PDE1C: variants seen among roughly 807,000 people sequenced by gnomAD.
PDE1C encodes the protein dual specificity calcium/calmodulin-dependent 3',5'-cyclic nucleotide phosphodiesterase 1C.
PDE1C carries 62 observed loss-of-function variants against 93.1 expected under a neutral mutation model. The ratio of observed to expected loss-of-function variants is 0.67; its 90% CI spans 0.54 to 0.82. PDE1C has a LOEUF of 0.82. PDE1C is among the 40% of genes least tolerant of loss of function. PDE1C has a pLI of 0.00. For missense variants in PDE1C, 742 were observed against 884.6 expected (o/e 0.84, Z 2.04); for synonymous variants, 325 against 310.1 (o/e 1.05, Z -0.50).
At chr7:31,626,138 C>T in the PDE1C span, among the ~76,000 whole-genome samples, 3 of 152,256 alleles carry the variant, frequency 2.0e-5, no homozygotes, top group African/African-American at 7.2e-5. Context: ...AAAAGGAAAA[C>T]GAATCCCATC....
At position 32,237,126 on chromosome 7, in the gene PDE1C, G is replaced by A. The variant is rs557317975; in HGVS notation, c.86-27587C>T. ...TTTTAAGATGGAGTCTCGCTCTGTCGCCCAGGCTGGAGTGCAGTGGCGCGA... is the reference window on the plus strand; with the variant it reads ...TTTTAAGATGGAGTCTCGCTCTGTCACCCAGGCTGGAGTGCAGTGGCGCGA... On this transcript the variant is annotated intron_variant, in intron 1 of 18. Transcript: ENST00000396193. 1.9e-3 allele frequency among the ~76,000 whole-genome samples: 259 copies of A among 133,212 alleles called. 1 individual carries two copies. Among genetic ancestry groups the A allele is most frequent in the Non-Finnish European group, 3.0e-3 (192 of 64,842 alleles). The allele number at this position is 133,212 out of a possible 152,430, so 87.4% of individuals were successfully genotyped here. A position where few individuals can be genotyped will look rare whatever the true frequency, so the allele number is the denominator to read the frequency against.
chr7:31,940,467 C>G (rs958331052), intron 2 of PDE1C, among the ~76,000 whole-genome samples: 1 of 152,152 alleles, frequency 6.6e-6, no homozygotes, highest in Non-Finnish European at 1.5e-5. Flanking sequence ...AAGAAAACTA[C>G]AGAAGCCTGA....
chr7:32,117,276 T>C (rs1295656252), intron 3 of PDE1C, among the ~76,000 whole-genome samples: 1 of 152,200 alleles, frequency 6.6e-6, no homozygotes, highest in Non-Finnish European at 1.5e-5. Context: ...CAAAAAACTA[T>C]GGCCACGCTC....
chr7:31,652,698 G>C, the PDE1C span: 1 of 1,613,928 alleles, frequency 6.2e-7, no homozygotes, highest in Non-Finnish European at 8.5e-7. Context: ...GACCCAGTTG[G>C]CTGCCTTCAC....
At chr7:31,651,152 A>T in the PDE1C span, 1 of 1,613,324 alleles carries the variant, frequency 6.2e-7, no homozygotes, top group Non-Finnish European at 8.5e-7. Flanking sequence ...TGCACAGTCC[A>T]TGAGATGGAA....
chr7:31,774,624 T>A (rs892919772), intron 17 of PDE1C, among the ~76,000 whole-genome samples: 1 of 152,214 alleles, frequency 6.6e-6, no homozygotes, highest in African/African-American at 2.4e-5. Context: ...AATGCTAAAT[T>A]ATCAATAGAC....
At chr7:32,183,262 G>A (rs1333284549) in intron 2 of PDE1C, among the ~76,000 whole-genome samples, 1 of 152,000 alleles carries the variant, frequency 6.6e-6, no homozygotes, top group Admixed American at 6.6e-5. Flanking sequence ...TCCCCATAAA[G>A]CTACCAATGA....
intron 2 of PDE1C, among the ~76,000 whole-genome samples, chr7:31,882,584 CAA>C (rs1025850906): frequency 1.3e-5 from 2 of 152,132 alleles, no homozygotes; most frequent in African/African-American, 4.8e-5. Context: ...TTAAACTTTT[CAA>C]AGTTTAGTCT....
chr7:32,181,180 C>T (rs561884791), intron 2 of PDE1C, among the ~76,000 whole-genome samples: 1 of 152,276 alleles, frequency 6.6e-6, no homozygotes, highest in East Asian at 1.9e-4. Flanking sequence ...GAGACTTAGA[C>T]TCCCACACAA....
chr7:32,100,329 G>C (rs1031714504), intron 3 of PDE1C, among the ~76,000 whole-genome samples: 1 of 152,200 alleles, frequency 6.6e-6, no homozygotes, highest in African/African-American at 2.4e-5. Context: ...TAAATCCATA[G>C]TTCTAGTTGT....
intron 2 of PDE1C, among the ~76,000 whole-genome samples, chr7:32,201,542 G>A (rs191282951): frequency 2.1e-4 from 32 of 152,336 alleles, no homozygotes; most frequent in African/African-American, 7.2e-4. Flanking sequence ...AGTAGGACGT[G>A]AGATGCTGAG....
At chr7:32,090,127 C>A (rs1054664119) in intron 3 of PDE1C, among the ~76,000 whole-genome samples, 38 of 152,138 alleles carry the variant, frequency 2.5e-4, no homozygotes, top group Admixed American at 9.8e-4. Context: ...TACTACACAG[C>A]TGAAAATAAT....
intron 16 of PDE1C, chr7:31,789,824 C>G: frequency 1.0e-6 from 1 of 1,000,312 alleles, no homozygotes; most frequent in Non-Finnish European, 1.2e-6. Context: ...ACGGCATTGA[C>G]AGTCATAAAA....
intron 2 of PDE1C, among the ~76,000 whole-genome samples, chr7:31,892,678 T>A (rs1798795460): frequency 6.6e-6 from 1 of 152,146 alleles, no homozygotes; most frequent in Non-Finnish European, 1.5e-5. Context: ...AAGTTTGATT[T>A]TTTTTTAGAT....
intron 11 of PDE1C, among the ~76,000 whole-genome samples, chr7:31,833,379 G>T (rs1215834118): frequency 6.6e-6 from 1 of 152,150 alleles, no homozygotes; most frequent in Non-Finnish European, 1.5e-5. Flanking sequence ...CTGCTATAAA[G>T]ATACCTGATA....
chr7:31,719,388 C>T, the PDE1C span, among the ~76,000 whole-genome samples: 2 of 152,154 alleles, frequency 1.3e-5, no homozygotes, highest in Non-Finnish European at 2.9e-5. Flanking sequence ...CTGCTATAAT[C>T]CTGAGCAAGT....
the PDE1C span, chr7:31,642,902 T>C: frequency 2.7e-5 from 43 of 1,613,974 alleles, 1 homozygote; most frequent in Middle Eastern, 4.9e-4. Flanking sequence ...CTTGAGGCCA[T>C]GGAGGGGCCA....
intron 2 of PDE1C, among the ~76,000 whole-genome samples, chr7:31,908,369 T>C (rs566866932): frequency 6.6e-6 from 1 of 152,200 alleles, no homozygotes; most frequent in Non-Finnish European, 1.5e-5. Context: ...CAAAGTTCAC[T>C]ATCTGTCTGG....
chr7:31,818,629 T>C (rs1337752581), intron 14 of PDE1C, among the ~76,000 whole-genome samples: 1 of 152,184 alleles, frequency 6.6e-6, no homozygotes, highest in Non-Finnish European at 1.5e-5. Context: ...AGAGTAGTCA[T>C]TTGACAAATG....
Sources: allele counts gnomAD v4.1 joint callset (sites outside exome capture counted in the v4.1 genomes callset), GRCh38; gene constraint gnomAD v4.1.1; transcripts MANE v1.5; gene names NCBI Gene and HGNC (gene_info 2026-07-23, HGNC 2026-07-21).